The following GRAMD4 variants were observed in gnomAD, a reference collection of about 807,000 sequenced individuals.
The protein encoded by GRAMD4 is GRAM domain-containing protein 4.
A neutral mutation model predicts 83.9 loss-of-function variants in GRAMD4; 25 were observed. The ratio of observed to expected loss-of-function variants is 0.30; its 90% CI spans 0.22 to 0.42. GRAMD4 has a LOEUF of 0.42. Among genes scored for constraint, GRAMD4 ranks in the 10% least tolerant of loss-of-function variants. The pLI, the probability that GRAMD4 is intolerant of heterozygous loss-of-function variation, is 1.00. For missense variants in GRAMD4, 593 were observed against 788.7 expected, an observed-to-expected ratio of 0.75 and a Z score of 2.97; for synonymous variants, 336 against 320.9, an observed-to-expected ratio of 1.05 and a Z score of -0.50.
Position 46,678,082 on chromosome 22 carries a change from T to C in GRAMD4, c.*831T>C. On this transcript the variant is annotated 3_prime_UTR_variant, in exon 19 of 19. Transcript: ENST00000406902. ...AAAGCACATCTTTCTCACACTTTGCTCTTTGGAAGGCCCAGGAGAACATCC... is the reference window on the plus strand; with the variant it reads ...AAAGCACATCTTTCTCACACTTTGCCCTTTGGAAGGCCCAGGAGAACATCC... The C allele has an allele frequency of 2.0e-6, 2 of 985,500 alleles. No homozygotes were observed. Among genetic ancestry groups the C allele is most frequent in the Non-Finnish European group, 2.4e-6 (2 of 830,018 alleles). 61.0% of individuals were successfully genotyped at this position (985,500 alleles called of 1,614,324 possible). A position where few individuals can be genotyped will look rare whatever the true frequency, so the allele number is the denominator to read the frequency against.
At chr22:46,620,084 G>A (rs971925412), upstream of GRAMD4, among the ~76,000 whole-genome samples, 4 of 152,146 alleles carry the variant, frequency 2.6e-5, no homozygotes, top group East Asian at 1.9e-4. The surrounding 1 kb of genome is among the most constrained non-coding windows in gnomAD (Gnocchi z 4.7). Flanking sequence ...AAGGAGACAC[G>A]GCTCAGGGCA....
chr22:46,577,283 C>G, exon 1 of GRAMD4: 1 of 979,742 alleles, frequency 1.0e-6, no homozygotes. Context: ...CCCCGATATC[C>G]GCTCAGGGTA....
At chr22:46,675,391 C>A (rs2082581535) in intron 16 of GRAMD4, 77 bp from the exon 17 acceptor site, 1 of 962,132 alleles carries the variant, frequency 1.0e-6, no homozygotes, top group South Asian at 1.3e-5. Context: ...TGAGAGGCAG[C>A]CCCGGGAGAC....
intron 3 of GRAMD4, among the ~76,000 whole-genome samples, chr22:46,639,882 G>T (rs1321216454): frequency 2.0e-5 from 3 of 152,190 alleles, no homozygotes; most frequent in Non-Finnish European, 4.4e-5. Flanking sequence ...TGGGCAGAGA[G>T]GGGCTGGCCC....
rs2081455407 is a variant in GRAMD4, at chr22:46,614,832, TTCTCCTGTGCTTGTAGC to T, written c.-49-11917_-49-11901del. ...TGTAGGTTCCCCTGTGCTTTATAGG[TTCTCCTGTGCTTGTAGC>T]TTCCCCTGTGCATGTAGGTTCCCCT... On this transcript the variant is annotated intron_variant, in intron 1 of 1. Coordinates refer to the GRAMD4 transcript ENST00000431155. 2.1e-5 allele frequency among the ~76,000 whole-genome samples: 3 copies of T among 142,540 alleles called. No homozygotes were observed. The South Asian group carries it at 6.9e-4, about 33-fold the overall frequency. The allele number at this position is 142,540 out of a possible 152,430, so 93.5% of individuals were successfully genotyped here.
At chr22:46,589,677 G>A (rs1053143158) in intron 1 of GRAMD4, among the ~76,000 whole-genome samples, 3 of 152,080 alleles carry the variant, frequency 2.0e-5, no homozygotes, top group Non-Finnish European at 4.4e-5. Flanking sequence ...CCCCAGTCCC[G>A]CTCTGTTTGC....
At chr22:46,631,245 G>A (rs1569274003) in intron 2 of GRAMD4, among the ~76,000 whole-genome samples, 1 of 152,100 alleles carries the variant, frequency 6.6e-6, no homozygotes, top group Non-Finnish European at 1.5e-5. Context: ...TGCCACCATC[G>A]CCACCTCCAC....
intron 3 of GRAMD4, among the ~76,000 whole-genome samples, chr22:46,649,488 G>A (rs2082134029): frequency 6.6e-6 from 1 of 152,228 alleles, no homozygotes; most frequent in Admixed American, 6.5e-5. Flanking sequence ...TGCTCTGGGT[G>A]AAAACCCTGG....
At chr22:46,603,858 G>A (rs1356140541) in intron 1 of GRAMD4, among the ~76,000 whole-genome samples, 1 of 152,174 alleles carries the variant, frequency 6.6e-6, no homozygotes, top group Non-Finnish European at 1.5e-5. Flanking sequence ...CGCTGTGACA[G>A]ACCTCGTCCA....
intron 6 of GRAMD4, 68 bp downstream of exon 6, chr22:46,663,240 G>C (rs1013842119): frequency 3.4e-6 from 5 of 1,465,254 alleles, no homozygotes; most frequent in African/African-American, 1.4e-5. Flanking sequence ...AGGCTGCAGC[G>C]GGTGGGCCAT....
At chr22:46,648,681 ATGAT>A (rs1405964945) in intron 3 of GRAMD4, among the ~76,000 whole-genome samples, 204 of 145,214 alleles carry the variant, frequency 1.4e-3, no homozygotes, top group African/African-American at 5.1e-3. Context: ...GGGTGGGTAA[ATGAT>A]TGATGGATGG....
chr22:46,660,321 A>G (rs541161065), intron 4 of GRAMD4, among the ~76,000 whole-genome samples: 3 of 152,280 alleles, frequency 2.0e-5, no homozygotes, highest in African/African-American at 7.2e-5. Context: ...GGCGGCGCTT[A>G]GGAACCTTCT....
intron 1 of GRAMD4, among the ~76,000 whole-genome samples, chr22:46,594,449 A>G (rs2081241050): frequency 6.6e-6 from 1 of 151,872 alleles, no homozygotes; most frequent in Non-Finnish European, 1.5e-5. Context: ...GTGTTCAGGG[A>G]TCCTTGGCAC....
At chr22:46,612,590 G>A (rs2081428657) in intron 1 of GRAMD4, among the ~76,000 whole-genome samples, 1 of 152,258 alleles carries the variant, frequency 6.6e-6, no homozygotes, top group African/African-American at 2.4e-5. Context: ...CTGTGGCCCA[G>A]GTTCCCTGGA....
chr22:46,663,139 C>T lies in GRAMD4; in HGVS notation c.566C>T (p.Thr189Ile). 1 of 1,612,406 alleles carries T rather than the reference C, an allele frequency of 6.2e-7. No individual in the cohort carries two copies. Among genetic ancestry groups the T allele is most frequent in the Non-Finnish European group, 8.5e-7 (1 of 1,179,620 alleles). The change falls in exon 6 of 19, where the codon ACT becomes ATT. Residue 189 changes from threonine to isoleucine, a missense_variant. By Grantham distance (89) the Thr-to-Ile change is moderately conservative (BLOSUM62 -1). Transcript: ENST00000406902. Reference protein sequence around the residue: ...EDFRFQPEENTVETEEPLSAR... With the variant: ...EDFRFQPEENIVETEEPLSAR... Reference sequence around the variant, plus strand: ...TTCCGGTTCCAGCCCGAGGAGAACACTGTGGAGACAGAGGAACCCCTGAGC... The same window carrying T: ...TTCCGGTTCCAGCCCGAGGAGAACATTGTGGAGACAGAGGAACCCCTGAGC...
At position 46,591,300 on chromosome 22, in the gene GRAMD4, G is replaced by C. The variant is rs1290859853; in HGVS notation, c.-50+14010G>C. ...GAGAGGCTGAGAGGGGGAGGATTGC[G>C]TGAGCTCAGGAGTTTGAGAACGGCC... is the stretch of plus-strand genomic sequence containing the variant. On this transcript the variant is annotated intron_variant, in intron 1 of 1. Transcript: ENST00000431155. Among the ~76,000 whole-genome samples the C allele has an allele frequency of 2.6e-5, 4 of 151,868 alleles. No individual in the cohort carries two copies. In the South Asian group the frequency reaches 6.3e-4, roughly 24 times the overall value.
At chr22:46,652,347 G>T (rs1358556363) in intron 3 of GRAMD4, among the ~76,000 whole-genome samples, 1 of 152,214 alleles carries the variant, frequency 6.6e-6, no homozygotes, top group East Asian at 1.9e-4. Flanking sequence ...TGGAAAGGCA[G>T]GAAATGGGTC....
intron 1 of GRAMD4, among the ~76,000 whole-genome samples, chr22:46,595,554 G>A (rs537902442): frequency 2.6e-5 from 4 of 152,302 alleles, no homozygotes; most frequent in South Asian, 4.1e-4. Context: ...AAAAACAGGC[G>A]CCCCTCAAGG....
At chr22:46,615,736 AGGTTCCCCTGTGCGTGT>A (rs2081477275), upstream of GRAMD4, among the ~76,000 whole-genome samples, 1 of 31,472 alleles carries the variant, frequency 3.2e-5, no homozygotes, top group Non-Finnish European at 5.6e-5. Flanking sequence ...CCCCGTGTGT[AGGTTCCCCTGTGCGTGT>A]AGGTTCCCCC....
Sources: allele counts gnomAD v4.1 joint callset (sites outside exome capture counted in the v4.1 genomes callset), GRCh38; gene constraint gnomAD v4.1.1; non-coding constraint Gnocchi (gnomAD v3.1); transcripts MANE v1.5; gene names NCBI Gene and HGNC (gene_info 2026-07-23, HGNC 2026-07-21).